Variants in DNAJB6 observed in about 807,000 individuals in gnomAD.
DNAJB6 encodes the protein DnaJ heat shock protein family (Hsp40) member B6.
DNAJB6 carries 16 observed loss-of-function variants against 42.7 expected under a neutral mutation model. The observed-to-expected ratio is 0.37, with a 90% CI of 0.25 to 0.57. The LOEUF (loss-of-function observed/expected upper bound fraction) is 0.57. Among genes scored for constraint, DNAJB6 ranks in the 20% least tolerant of loss-of-function variants. The pLI is 0.74. For missense variants in DNAJB6, 347 were observed against 416.8 expected, an observed-to-expected ratio of 0.83 and a Z score of 1.46; for synonymous variants, 170 against 163.5, an observed-to-expected ratio of 1.04 and a Z score of -0.30.
chr7:157,340,997 T>TGTGTGTGTGTGC (rs902019051), intron 1 of DNAJB6, among the ~76,000 whole-genome samples: 9 of 118,296 alleles, frequency 7.6e-5, no homozygotes, highest in African/African-American at 2.6e-4. Context: ...TGTGTGTGTG[T>TGTGTGTGTGTGC]GCGCGCGCGC....
At chr7:157,367,158 G>A (rs1012068820) in intron 4 of DNAJB6, among the ~76,000 whole-genome samples, 13 of 152,192 alleles carry the variant, frequency 8.5e-5, no homozygotes, top group African/African-American at 3.1e-4. Context: ...AAGTAGTGTC[G>A]AAGGGGCCAC....
intron 8 of DNAJB6, among the ~76,000 whole-genome samples, chr7:157,388,646 G>GT (rs1563141299): frequency 6.7e-6 from 1 of 150,108 alleles, no homozygotes; most frequent in African/African-American, 2.4e-5. Flanking sequence ...TTTGGGGGGG[G>GT]GGTAAGTGGT....
At chr7:157,344,146 C>G (rs28645718) in intron 1 of DNAJB6, among the ~76,000 whole-genome samples, 7,759 of 152,218 alleles carry the variant, frequency 0.051, 229 homozygotes, top group African/African-American at 0.086. Context: ...TGAGACCATC[C>G]TGGCTAGCAT....
chr7:157,367,063 G>A lies in DNAJB6; in HGVS notation c.236-310G>A, dbSNP rs535532844. Among the ~76,000 whole-genome samples the A allele has an allele frequency of 5.6e-4, 85 of 152,280 alleles. No individual in the cohort carries two copies. The South Asian group carries it at 0.014, about 26-fold the overall frequency. Reference sequence around the variant, plus strand: ...GTCGAAGTGGATGCAGATACTCTTGGTCTTCATAAACCTTCATAACAAATC... The same window carrying A: ...GTCGAAGTGGATGCAGATACTCTTGATCTTCATAAACCTTCATAACAAATC... On this transcript the variant is annotated intron_variant, in intron 4 of 9. Transcript: ENST00000262177.
intron 6 of DNAJB6, 156 bp downstream of exon 6, chr7:157,382,533 G>A (rs1800837673): frequency 1.6e-5 from 8 of 508,092 alleles, no homozygotes; most frequent in East Asian, 4.3e-5. Context: ...ACAGGTCTGC[G>A]CTTAACCTAC....
chr7:157,367,361 G>C lies in DNAJB6; in HGVS notation c.236-12G>C. 1 of 1,555,000 alleles carries C rather than the reference G, an allele frequency of 6.4e-7. No homozygotes were observed. The highest frequency in any genetic ancestry group is 8.9e-7 in the Non-Finnish European group (1 of 1,126,280). On this transcript the variant is annotated splice_polypyrimidine_tract_variant and intron_variant, in intron 4 of 9. Coordinates refer to ENST00000262177, the MANE Select transcript of DNAJB6 (RefSeq NM_058246.4). Reference sequence around the variant, plus strand: ...AAATTCATAAACTAAAAGCTGTGTTGTATTTGTGCAGGTGGAAGTCATTTT... The same window carrying C: ...AAATTCATAAACTAAAAGCTGTGTTCTATTTGTGCAGGTGGAAGTCATTTT...
chr7:157,393,798 A>G (rs1252587314), intron 8 of DNAJB6, among the ~76,000 whole-genome samples: 3 of 152,202 alleles, frequency 2.0e-5, no homozygotes, highest in Non-Finnish European at 4.4e-5. Flanking sequence ...GATTGGGGTT[A>G]ATGGCAGAGC....
chr7:157,382,288 G>A lies in DNAJB6; in HGVS notation c.389G>A (p.Arg130Gln), dbSNP rs1343284617. The A allele has an allele frequency of 5.0e-6, 8 of 1,611,938 alleles. No individual in the cohort carries two copies. The highest frequency in any genetic ancestry group is 3.3e-5 in the South Asian group (3 of 90,648). ...EDFFGNRRGP[R>Q]GSRSRGTGSF... is the part of the protein sequence containing the mutation. ...TTCTTTGGGAATCGAAGGGGTCCCC[G>A]AGGAAGCAGAAGCCGAGGGACGGGG... The change falls in exon 6 of 10, where the codon CGA (arginine) becomes CAA (glutamine). Residue 130 changes from arginine to glutamine, a missense_variant. Physicochemically the swap from Arg to Gln is conservative, Grantham distance 43. Transcript: ENST00000262177.
intron 8 of DNAJB6, 22 bp from the exon 9 acceptor site, chr7:157,409,773 C>G: frequency 6.6e-7 from 1 of 1,508,288 alleles, no homozygotes; most frequent in Non-Finnish European, 8.9e-7. Context: ...TCACGGCTCT[C>G]TCTCTCCCGC....
chr7:157,341,004 G>A (rs1464281567), intron 1 of DNAJB6, among the ~76,000 whole-genome samples: 2 of 147,260 alleles, frequency 1.4e-5, no homozygotes, highest in Admixed American at 6.8e-5. Flanking sequence ...GTGTGCGCGC[G>A]CGCAGGTGGA....
intron 1 of DNAJB6, among the ~76,000 whole-genome samples, chr7:157,347,336 G>A (rs1051093556): frequency 1.3e-5 from 2 of 152,138 alleles, no homozygotes; most frequent in African/African-American, 2.4e-5. Flanking sequence ...ATAGTGCCAC[G>A]ATACAGGCTA....
At position 157,409,805 on chromosome 7, in the gene DNAJB6, C is replaced by T. The variant is rs568383912; in HGVS notation, c.702C>T (p.Asp234=). The T allele has an allele frequency of 1.0e-5, 16 of 1,527,864 alleles. No individual in the cohort carries two copies. The highest frequency in any genetic ancestry group is 2.5e-5 in the East Asian group (1 of 40,582). The allele number at this position is 1,527,864 out of a possible 1,614,324, so 94.6% of individuals were successfully genotyped here. The change falls in exon 9 of 10, where the codon GAC becomes GAT. Residue 234 remains aspartate, a synonymous_variant. Coordinates refer to ENST00000262177, the MANE Select transcript of DNAJB6 (RefSeq NM_058246.4). ...LKSLTINGVA[D]DDALAEERMR... ...CCGCTGTGCCTGCAGGTGTGGCCGACGACGATGCCCTCGCTGAGGAGCGCA... is the reference window on the plus strand; with the variant it reads ...CCGCTGTGCCTGCAGGTGTGGCCGATGACGATGCCCTCGCTGAGGAGCGCA...
chr7:157,390,984 G>A (rs577153891), intron 8 of DNAJB6, among the ~76,000 whole-genome samples: 1 of 152,248 alleles, frequency 6.6e-6, no homozygotes, highest in South Asian at 2.1e-4. Context: ...ACAGGTGTGC[G>A]ACACAACGCC....
At chr7:157,338,373 G>A (rs543148859) in intron 1 of DNAJB6, among the ~76,000 whole-genome samples, 2 of 149,136 alleles carry the variant, frequency 1.3e-5, no homozygotes, top group Admixed American at 1.3e-4. Context: ...CTGTTCTGTT[G>A]CCCAGGCCAG....
intron 5 of DNAJB6, chr7:157,381,527 T>C (rs1053707808): frequency 1.3e-5 from 2 of 152,352 alleles, no homozygotes; most frequent in South Asian, 4.1e-4. Context: ...AGGAGCACTT[T>C]GTGTTTCCAC....
chr7:157,364,604 C>G (rs1799759232), intron 3 of DNAJB6, among the ~76,000 whole-genome samples: 1 of 152,158 alleles, frequency 6.6e-6, no homozygotes, highest in South Asian at 2.1e-4. Context: ...GAGGAGGGCA[C>G]AGGCCTCAGT....
At chr7:157,369,018 C>T (rs1428286553) in intron 5 of DNAJB6, 6 of 357,496 alleles carry the variant, frequency 1.7e-5, no homozygotes, top group Admixed American at 3.9e-5. Flanking sequence ...TGTTCTTACA[C>T]CTTATTATGG....
intron 8 of DNAJB6, among the ~76,000 whole-genome samples, chr7:157,389,904 T>C (rs539576670): frequency 2.0e-5 from 3 of 152,226 alleles, no homozygotes. Flanking sequence ...GACTCGACTC[T>C]GAGCTTTGTG....
chr7:157,341,698 G>T (rs13224374), intron 1 of DNAJB6, among the ~76,000 whole-genome samples: 82,094 of 152,008 alleles, frequency 0.54, 22,498 homozygotes, highest in East Asian at 0.76. Flanking sequence ...GAAGTTATTT[G>T]TGTTTATAGG....
Sources: allele counts gnomAD v4.1 joint callset (sites outside exome capture counted in the v4.1 genomes callset), GRCh38; gene constraint gnomAD v4.1.1; transcripts MANE v1.5; gene names NCBI Gene and HGNC (gene_info 2026-07-23, HGNC 2026-07-21).